The following FAT1 variants were observed in gnomAD, a reference collection of about 807,000 sequenced individuals.
FAT1 encodes the protein FAT atypical cadherin 1, also known as protocadherin Fat 1.
In FAT1, 171 loss-of-function variants were observed where a neutral mutation model predicts 329.8. That is an observed-to-expected ratio of 0.52 (90% confidence interval 0.46 to 0.59). The LOEUF (loss-of-function observed/expected upper bound fraction) is 0.59, where lower values mean the gene tolerates loss of function less well. Among genes scored for constraint, FAT1 ranks in the 20% least tolerant of loss-of-function variants. The pLI is 0.00. For missense variants in FAT1, 5,672 were observed against 5,774.4 expected, an observed-to-expected ratio of 0.98 and a Z score of 0.57; for synonymous variants, 2,233 against 2,228.6, an observed-to-expected ratio of 1.00 and a Z score of -0.06.
intron 3 of FAT1, among the ~76,000 whole-genome samples, chr4:186,652,537 T>C (rs773183208): frequency 8.5e-5 from 13 of 152,150 alleles, no homozygotes; most frequent in Non-Finnish European, 1.5e-4. Flanking sequence ...ACTTATTTTA[T>C]AAAATAATAA....
chr4:186,606,664 T>C (rs2584345), intron 16 of FAT1, among the ~76,000 whole-genome samples: 68,281 of 151,960 alleles, frequency 0.45, 16,392 homozygotes, highest in African/African-American at 0.61. Flanking sequence ...TCATTTCCAA[T>C]GCCTCAGGAC....
At chr4:186,634,599 T>C (rs1000344427) in intron 6 of FAT1, among the ~76,000 whole-genome samples, 11 of 150,346 alleles carry the variant, frequency 7.3e-5, no homozygotes, top group African/African-American at 2.5e-4. Flanking sequence ...TGGGTGACCA[T>C]GCGCACACTA....
intron 11 of FAT1, among the ~76,000 whole-genome samples, chr4:186,615,582 C>T (rs1213246186): frequency 1.3e-5 from 2 of 152,180 alleles, no homozygotes; most frequent in Non-Finnish European, 2.9e-5. Context: ...CGTCCTGCTA[C>T]CAAGACCGCC....
chr4:186,608,493 AC>A (rs529302337), intron 16 of FAT1, among the ~76,000 whole-genome samples: 83 of 152,144 alleles, frequency 5.5e-4, no homozygotes, highest in African/African-American at 1.9e-3. Flanking sequence ...GAATTCTCCC[AC>A]CTATGCCTCC....
intron 25 of FAT1, 146 bp from the exon 26 acceptor site, chr4:186,595,972 A>AC: frequency 1.3e-6 from 1 of 792,154 alleles, no homozygotes. Flanking sequence ...GAAACACCTT[A>AC]CAAACTCAAA....
At chr4:186,595,649 A>G (rs1211118329) in intron 26 of FAT1, 40 bp downstream of exon 26, 1 of 1,609,704 alleles carries the variant, frequency 6.2e-7, no homozygotes, top group South Asian at 1.1e-5. Context: ...TAACACAACA[A>G]GCAAGCAAAG....
At chr4:186,636,287 C>T in intron 5 of FAT1, 52 bp from the exon 6 acceptor site, 2 of 1,523,794 alleles carry the variant, frequency 1.3e-6, no homozygotes, top group Non-Finnish European at 1.8e-6. Flanking sequence ...GAGTTACAAC[C>T]CAGAAATGAA....
chr4:186,655,788 T>C (rs1741874265), intron 3 of FAT1, among the ~76,000 whole-genome samples: 1 of 152,228 alleles, frequency 6.6e-6, no homozygotes, highest in African/African-American at 2.4e-5. Flanking sequence ...CCAAGATGCA[T>C]ATCCATGTAT....
At position 186,621,072 on chromosome 4, in the gene FAT1, T is replaced by G. The variant is rs1019233080; in HGVS notation, c.5514A>C (p.Glu1838Asp). 6.2e-7 allele frequency: 1 copy of G among 1,613,434 alleles called. No homozygotes were observed. The highest frequency in any genetic ancestry group is 8.5e-7 in the Non-Finnish European group (1 of 1,179,902). ...AIHTVLSLDY[E>D]ETSIFHFTVQ... ...CGGTAAAGTGAAAAATACTTGTTTCTTCATAGTCCAGACTTAGTACTGTAT... is the reference window on the plus strand; with the variant it reads ...CGGTAAAGTGAAAAATACTTGTTTCGTCATAGTCCAGACTTAGTACTGTAT... The change falls in exon 10 of 27, where the codon GAA (glutamate) becomes GAC (aspartate). Residue 1838 changes from glutamate to aspartate, a missense_variant. This residue lies in a region of FAT1 where 3,966 missense variants were observed against 3,915.2 expected (regional missense o/e 1.01). Coordinates refer to ENST00000441802, the MANE Select transcript of FAT1 (RefSeq NM_005245.4).
In FAT1 at chr4:186,618,698, C is replaced by T. The variant is rs765674305; in HGVS notation, c.7888G>A (p.Asp2630Asn). Residue 2630 changes from aspartate to asparagine, a missense_variant, in exon 10 of 27, where the codon GAC becomes AAC. Asp to Asn is a conservative substitution (Grantham distance 23, BLOSUM62 1). Around this residue, in one of 2 missense-constraint regions of FAT1, gnomAD observed 3,966 missense variants for 3,915.2 expected, o/e 1.01. Transcript: ENST00000441802. ...ASDADEGSNA[D>N]ITYAIEADSE... ...TCTGCTTCAATGGCATAGGTGATGT[C>T]GGCATTGGAGCCCTCATCGGCATCA... 3.7e-6 allele frequency: 6 copies of T among 1,614,026 alleles called. No homozygotes were observed. Among genetic ancestry groups the T allele is most frequent in the African/African-American group, 1.3e-5 (1 of 75,046 alleles).
chr4:186,670,814 A>G (rs1357729884), intron 2 of FAT1, among the ~76,000 whole-genome samples: 1 of 152,184 alleles, frequency 6.6e-6, no homozygotes, highest in Non-Finnish European at 1.5e-5. Context: ...AGTCGCAGGC[A>G]AGAGGAGACC....
chr4:186,588,460 G>A lies in FAT1; in HGVS notation c.*132C>T, dbSNP rs75546828. The A allele has an allele frequency of 0.038, 41,527 of 1,086,018 alleles. 1,483 individuals carry two copies. The highest frequency in any genetic ancestry group is 0.18 in the East Asian group (7,037 of 38,710). 67.3% of individuals were successfully genotyped at this position (1,086,018 alleles called of 1,614,324 possible). A position where few individuals can be genotyped will look rare whatever the true frequency, so the allele number is the denominator to read the frequency against. On this transcript the variant is annotated 3_prime_UTR_variant, in exon 27 of 27. Transcript: ENST00000441802. ...GGAAATGGCTAGCACGTCCAGAGGC[G>A]CAGGATCCAGCGCAGCCATGCCCAT...
At chr4:186,609,450 T>C (rs1174425026) in intron 15 of FAT1, 130 bp from the exon 16 acceptor site, 3 of 1,112,276 alleles carry the variant, frequency 2.7e-6, no homozygotes, top group Non-Finnish European at 3.7e-6. Context: ...GGAGCCTTGC[T>C]CTGTCACTCA....
At position 186,596,543 on chromosome 4, in the gene FAT1, C is replaced by A; in HGVS notation, c.12997G>T (p.Asp4333Tyr). The A allele has an allele frequency of 1.2e-6, 2 of 1,611,456 alleles. No homozygotes were observed. The highest frequency in any genetic ancestry group is 1.7e-6 in the Non-Finnish European group (2 of 1,179,072). The change falls in exon 25 of 27, where the codon GAC becomes TAC. Residue 4333 changes from aspartate to tyrosine, a missense_variant. Coordinates refer to ENST00000441802, the MANE Select transcript of FAT1 (RefSeq NM_005245.4). The surrounding 1 kb of genome is among the most constrained non-coding windows in gnomAD (Gnocchi z 4.7). ...IQKPSWDFDY[D>Y]TKVVDLDPCL... is the part of the protein sequence containing the mutation. ...GAGATGAAAAAGTGGCTCTTACTGT[C>A]ATAGTCAAAGTCCCAGCTAGGCTTC...
chr4:186,713,458 G>A (rs989030116), intron 1 of FAT1, among the ~76,000 whole-genome samples: 3 of 152,132 alleles, frequency 2.0e-5, no homozygotes, highest in Non-Finnish European at 2.9e-5. Flanking sequence ...CGATGTTGAC[G>A]CTGCTCCTGA....
At chr4:186,614,121 A>C (rs1274564136) in intron 12 of FAT1, 70 bp downstream of exon 12, 6 of 1,338,092 alleles carry the variant, frequency 4.5e-6, no homozygotes, top group Non-Finnish European at 6.1e-6. Context: ...TTTGTGTGTG[A>C]TCTAAAATCA....
chr4:186,607,317 A>G (rs1417198430), intron 16 of FAT1, among the ~76,000 whole-genome samples: 2 of 152,306 alleles, frequency 1.3e-5, no homozygotes, highest in South Asian at 2.1e-4. Context: ...CTTCCTGGAC[A>G]TAAGTCTGCA....
At chr4:186,689,461 G>T (rs1743641870) in intron 2 of FAT1, among the ~76,000 whole-genome samples, 1 of 152,134 alleles carries the variant, frequency 6.6e-6, no homozygotes, top group South Asian at 2.1e-4. Context: ...AACAAAGTCT[G>T]ATTTTAAATT....
intron 3 of FAT1, among the ~76,000 whole-genome samples, chr4:186,645,963 AT>A (rs376123359): frequency 0.21 from 13,023 of 62,626 alleles, 1,274 homozygotes; most frequent in Middle Eastern, 0.28. Context: ...AAAAAAAAAA[AT>A]ATATACACAC....
Sources: gnomAD v4.1 joint callset for allele counts (sites outside exome capture counted in the v4.1 genomes callset) on GRCh38, gnomAD v4.1.1 for gene constraint, gnomAD v4.1.1 regional missense constraint, Gnocchi (gnomAD v3.1) non-coding constraint, MANE v1.5 for transcripts, NCBI Gene and HGNC (gene_info 2026-07-23, HGNC 2026-07-21) for gene names.